Variants in ITGBL1 observed in about 807,000 individuals in gnomAD.
ITGBL1 encodes integrin subunit beta like 1.
ITGBL1 carries 51 observed loss-of-function variants against 68.5 expected under a neutral mutation model. That is an observed-to-expected ratio of 0.74 (90% CI 0.59 to 0.94). The LOEUF is 0.94. Among genes scored for constraint, ITGBL1 ranks in the 40% least tolerant of loss-of-function variants. ITGBL1 has a pLI of 0.00. For synonymous variants in ITGBL1, 209 were observed against 227.3 expected, an observed-to-expected ratio of 0.92 and a Z score of 0.72; for missense variants, 649 against 647.4, an observed-to-expected ratio of 1.00 and a Z score of -0.03.
intron 8 of ITGBL1, among the ~76,000 whole-genome samples, chr13:101,701,397 G>T (rs2034132865): frequency 6.6e-6 from 1 of 152,130 alleles, no homozygotes; most frequent in African/African-American, 2.4e-5. Context: ...GCTGGGCGTG[G>T]TGGCACATGC....
chr13:101,618,892 T>A (rs999068125), intron 7 of ITGBL1, among the ~76,000 whole-genome samples: 7 of 152,278 alleles, frequency 4.6e-5, no homozygotes, highest in Non-Finnish European at 1.0e-4. Context: ...AGATTGACTT[T>A]GCTTGGATGA....
intron 7 of ITGBL1, among the ~76,000 whole-genome samples, chr13:101,669,126 A>G (rs1447861126): frequency 6.6e-6 from 1 of 152,044 alleles, no homozygotes; most frequent in Non-Finnish European, 1.5e-5. Flanking sequence ...AAAAAAAAGT[A>G]TAAGCATGGG....
At chr13:101,518,779 A>G (rs1279087900) in intron 2 of ITGBL1, among the ~76,000 whole-genome samples, 2 of 152,156 alleles carry the variant, frequency 1.3e-5, no homozygotes, top group African/African-American at 2.4e-5. Context: ...CATTCTTACT[A>G]TGTGTTGGAG....
At chr13:101,585,567 G>T (rs1205937248) in intron 6 of ITGBL1, among the ~76,000 whole-genome samples, 1 of 151,908 alleles carries the variant, frequency 6.6e-6, no homozygotes, top group Non-Finnish European at 1.5e-5. Context: ...AGCAGCTGGG[G>T]CTACAGGTGC....
At chr13:101,495,725 G>C (rs894605692) in intron 2 of ITGBL1, among the ~76,000 whole-genome samples, 18 of 152,158 alleles carry the variant, frequency 1.2e-4, no homozygotes, top group South Asian at 6.2e-4. Context: ...GAAGATTAAG[G>C]GGGGGTCTTT....
chr13:101,464,226 A>G (rs2048353413), intron 2 of ITGBL1, among the ~76,000 whole-genome samples: 1 of 152,068 alleles, frequency 6.6e-6, no homozygotes. Flanking sequence ...ATGCTTTGTT[A>G]TGTACTTCAG....
chr13:101,547,634 A>G (rs1458244208), intron 2 of ITGBL1, among the ~76,000 whole-genome samples: 1 of 151,864 alleles, frequency 6.6e-6, no homozygotes, highest in Non-Finnish European at 1.5e-5. Flanking sequence ...AATAAGATCT[A>G]GTATTTGACA....
chr13:101,688,391 T>C (rs945609110), intron 7 of ITGBL1, among the ~76,000 whole-genome samples: 10 of 152,056 alleles, frequency 6.6e-5, no homozygotes, highest in Non-Finnish European at 1.5e-4. Context: ...GGGCTGGCTA[T>C]AGAACACCGA....
intron 7 of ITGBL1, among the ~76,000 whole-genome samples, chr13:101,642,504 T>G (rs1163888970): frequency 1.3e-5 from 2 of 152,190 alleles, no homozygotes; most frequent in Admixed American, 6.5e-5. Flanking sequence ...TTTCTCCCAT[T>G]TTGTAGGTTG....
At chr13:101,572,603 C>G (rs947852147) in intron 3 of ITGBL1, among the ~76,000 whole-genome samples, 1 of 152,084 alleles carries the variant, frequency 6.6e-6, no homozygotes, top group Non-Finnish European at 1.5e-5. Context: ...ATAGCATGAG[C>G]ACAGGAGTCT....
intron 8 of ITGBL1, among the ~76,000 whole-genome samples, chr13:101,704,484 T>TAAAAAAAAAAAAAAAAAAAAAAAAAAAAA (rs57687698): frequency 9.5e-6 from 1 of 105,370 alleles, no homozygotes; most frequent in Non-Finnish European, 1.8e-5. Flanking sequence ...ATTCATTCAG[T>TAAAAAAAAAAAAAAAAAAAAAAAAAAAAA]AAAAAAAAAA....
intron 2 of ITGBL1, among the ~76,000 whole-genome samples, chr13:101,538,843 C>T (rs2139178797): frequency 6.6e-6 from 1 of 152,054 alleles, no homozygotes; most frequent in East Asian, 1.9e-4. Context: ...GTGACAAACA[C>T]TCTTAAGCAG....
intron 2 of ITGBL1, among the ~76,000 whole-genome samples, chr13:101,482,180 G>A (rs564984747): frequency 1.3e-5 from 2 of 152,154 alleles, no homozygotes; most frequent in Admixed American, 1.3e-4. Context: ...TGTTTTTCTA[G>A]TTATTTAAAT....
rs952082264 is a variant in ITGBL1 at position 101,619,064 on chromosome 13, A to G, written c.1015+20765A>G. Among the ~76,000 whole-genome samples, 5 of 152,118 alleles carry G rather than the reference A, an allele frequency of 3.3e-5. No homozygotes were observed. The East Asian group carries it at 7.7e-4, about 23-fold the overall frequency. On this transcript the variant is annotated intron_variant, in intron 7 of 10. Transcript: ENST00000376180. ...CACAGTTTTCACTAGATACAACTGC[A>G]TTCAGGTTGATATTGATCTTGAGTA...
intron 2 of ITGBL1, among the ~76,000 whole-genome samples, chr13:101,561,418 CT>C (rs2050098607): frequency 6.6e-6 from 1 of 152,152 alleles, no homozygotes; most frequent in Admixed American, 6.5e-5. Flanking sequence ...AATACATCTC[CT>C]TGCTCTTAGG....
At chr13:101,575,638 A>G (rs1010723104) in intron 4 of ITGBL1, 92 bp downstream of exon 4, 51 of 1,257,296 alleles carry the variant, frequency 4.1e-5, no homozygotes, top group Non-Finnish European at 5.3e-5. Context: ...TTTCTGCTCT[A>G]GGTGTGCTAA....
chr13:101,658,742 C>A (rs2033000049), intron 7 of ITGBL1, among the ~76,000 whole-genome samples: 1 of 152,092 alleles, frequency 6.6e-6, no homozygotes, highest in Admixed American at 6.6e-5. Flanking sequence ...TGCAAATGAG[C>A]AGCTTAATGG....
Position 101,665,182 on chromosome 13 carries a change from C to T in ITGBL1, c.1016-27403C>T, listed in dbSNP as rs957552243. Among the ~76,000 whole-genome samples the T allele has an allele frequency of 9.9e-5, 15 of 151,846 alleles. 1 individual carries two copies. Among genetic ancestry groups the T allele is most frequent in the African/African-American group, 3.4e-4 (14 of 41,328 alleles). The stretch of plus-strand genomic sequence containing the variant: ...ATTTTAGAATAAACTTGTGAATTTT[C>T]TTAACATGAAAACTGTTGGGATTTT... On this transcript the variant is annotated intron_variant, in intron 7 of 10. Transcript: ENST00000376180.
chr13:101,647,263 T>C (rs1263572597), intron 7 of ITGBL1, among the ~76,000 whole-genome samples: 1 of 152,210 alleles, frequency 6.6e-6, no homozygotes, highest in African/African-American at 2.4e-5. Flanking sequence ...AATTCAGTAG[T>C]AATAGAAATA....
Sources: gnomAD v4.1 joint callset for allele counts (sites outside exome capture counted in the v4.1 genomes callset) on GRCh38, gnomAD v4.1.1 for gene constraint, MANE v1.5 for transcripts, NCBI Gene and HGNC (gene_info 2026-07-23, HGNC 2026-07-21) for gene names.